The following KAZN variants were observed in gnomAD, a reference collection of about 807,000 sequenced individuals.
The protein encoded by KAZN is kazrin, periplakin interacting protein, also known as kazrin.
KAZN carries 40 observed loss-of-function variants against 87.4 expected under a neutral mutation model. The ratio of observed to expected loss-of-function variants is 0.46; its 90% CI spans 0.36 to 0.60. The LOEUF is 0.60. Ranked by LOEUF, KAZN falls within the 20% of genes least tolerant of loss-of-function variation. The pLI is 0.00. For synonymous variants in KAZN, 466 were observed against 458.3 expected (o/e 1.02, Z -0.22); for missense variants, 898 against 1,073.9 (o/e 0.84, Z 2.29).
At position 14,249,925 on chromosome 1, in the gene KAZN, G is replaced by A. The variant is rs139608119; in HGVS notation, c.249+69333G>A. Among the ~76,000 whole-genome samples, 312 of 151,572 alleles carry A rather than the reference G, an allele frequency of 2.1e-3. 1 individual carries two copies. The highest frequency in any genetic ancestry group is 3.5e-3 in the Middle Eastern group (1 of 288). ...CTTCTTCTTCTGCCCACAGCTGTCC[G>A]TTTGGCATAACCTGATACTACTCGG... On this transcript the variant is annotated intron_variant, in intron 2 of 16. Transcript: ENST00000636203.
At chr1:14,227,166 G>A (rs1324758870) in intron 2 of KAZN, among the ~76,000 whole-genome samples, 3 of 152,142 alleles carry the variant, frequency 2.0e-5, no homozygotes, top group Non-Finnish European at 4.4e-5. Flanking sequence ...AATACAGATT[G>A]ATAAAGTCAG....
intron 1 of KAZN, among the ~76,000 whole-genome samples, chr1:14,840,832 A>G (rs1000587802): frequency 5.3e-5 from 8 of 152,218 alleles, no homozygotes; most frequent in Non-Finnish European, 8.8e-5. Flanking sequence ...ATGCATGCCT[A>G]CCATGTGCCA....
At chr1:14,670,111 C>A (rs71629893) in intron 1 of KAZN, among the ~76,000 whole-genome samples, 7 of 152,094 alleles carry the variant, frequency 4.6e-5, no homozygotes, top group African/African-American at 1.7e-4. Flanking sequence ...CTCCCCAGCC[C>A]TCCCCTCCCC....
chr1:14,849,098 G>A (rs1014238744), intron 1 of KAZN, among the ~76,000 whole-genome samples: 1 of 152,116 alleles, frequency 6.6e-6, no homozygotes, highest in African/African-American at 2.4e-5. Context: ...CCCTTGTTCG[G>A]CCACTCCCAG....
At chr1:14,688,556 G>A (rs1368321035) in intron 1 of KAZN, among the ~76,000 whole-genome samples, 1 of 152,224 alleles carries the variant, frequency 6.6e-6, no homozygotes. Context: ...TTAGAATATG[G>A]CATGGGCAAG....
chr1:14,346,906 A>G lies in KAZN; in HGVS notation c.249+166314A>G, dbSNP rs544262018. ...TAGGATAGAGCTGTGAACAACACAG[A>G]CAACAATATATCTAATTATACTAAA... On this transcript the variant is annotated intron_variant, in intron 2 of 16. Transcript: ENST00000636203. 1.6e-4 allele frequency among the ~76,000 whole-genome samples: 24 copies of G among 152,330 alleles called. 1 individual carries two copies. Among genetic ancestry groups the G allele is most frequent in the Admixed American group, 1.4e-3 (21 of 15,296 alleles).
rs1490166436 is a variant in KAZN at position 14,820,447 on chromosome 1, C to T, written c.227-140237C>T. Among the ~76,000 whole-genome samples the T allele has an allele frequency of 6.6e-6, 1 of 152,252 alleles. No homozygotes were observed. The highest frequency in any genetic ancestry group is 2.4e-5 in the African/African-American group (1 of 41,468). On this transcript the variant is annotated intron_variant, in intron 1 of 14. Coordinates refer to ENST00000376030, the MANE Select transcript of KAZN (RefSeq NM_201628.3). This position sits in a 1 kb window ranked among gnomAD's most constrained non-coding sequence, Gnocchi z 4.1. ...GCCATGGCAAATGGGATGTGTCCCA[C>T]TGCCCCCGTTTGGTGCCACAGTTGG... is the stretch of plus-strand genomic sequence containing the variant.
chr1:14,638,575 A>C (rs1680177555), intron 1 of KAZN, among the ~76,000 whole-genome samples: 1 of 93,890 alleles, frequency 1.1e-5, no homozygotes, highest in African/African-American at 6.3e-5. Flanking sequence ...TCTCAAAAAA[A>C]AAACAAAAAA....
chr1:14,443,515 G>A (rs1666811761), intron 2 of KAZN, among the ~76,000 whole-genome samples: 1 of 152,262 alleles, frequency 6.6e-6, no homozygotes, highest in Admixed American at 6.5e-5. Context: ...AGTCATCTGA[G>A]AGAGCAAGGG....
chr1:14,516,764 T>C (rs1671320356), intron 2 of KAZN, among the ~76,000 whole-genome samples: 2 of 152,186 alleles, frequency 1.3e-5, no homozygotes, highest in South Asian at 4.1e-4. Context: ...CCTTACCTAT[T>C]GGTTCCTGTC....
intron 1 of KAZN, among the ~76,000 whole-genome samples, chr1:14,152,974 C>T (rs1645509495): frequency 6.6e-6 from 1 of 152,002 alleles, no homozygotes; most frequent in African/African-American, 2.4e-5. Context: ...TACCTGTTTG[C>T]CATTGGTAAG....
Position 14,353,717 on chromosome 1 carries a change from A to G in KAZN, c.249+173125A>G, listed in dbSNP as rs7527870. Among the ~76,000 whole-genome samples the G allele has an allele frequency of 5.3e-5, 8 of 152,326 alleles. No homozygotes were observed. The East Asian group carries it at 1.5e-3, about 29-fold the overall frequency. ...ATTCAAAACTACAAAATATTTGGGG[A>G]TAAGTTTTTTAAAGATGTCAAGATC... On this transcript the variant is annotated intron_variant, in intron 2 of 16. Transcript: ENST00000636203.
intron 1 of KAZN, among the ~76,000 whole-genome samples, chr1:14,765,495 A>G (rs1644860665): frequency 6.6e-6 from 1 of 152,126 alleles, no homozygotes; most frequent in African/African-American, 2.4e-5. Flanking sequence ...GTTTCAATTG[A>G]ATTGTGTTAG....
intron 1 of KAZN, among the ~76,000 whole-genome samples, chr1:14,852,645 C>T (rs1649600520): frequency 6.6e-6 from 1 of 152,250 alleles, no homozygotes; most frequent in Non-Finnish European, 1.5e-5. Flanking sequence ...TTGCCCAGGG[C>T]CCATGCCACT....
chr1:14,212,371 G>A lies in KAZN; in HGVS notation c.249+31779G>A, dbSNP rs144747032. 1.4e-3 allele frequency among the ~76,000 whole-genome samples: 206 copies of A among 151,770 alleles called. 1 individual carries two copies. The highest frequency in any genetic ancestry group is 4.6e-3 in the African/African-American group (189 of 41,374). On this transcript the variant is annotated intron_variant, in intron 2 of 16. Coordinates refer to the KAZN transcript ENST00000636203. Reference sequence around the variant, plus strand: ...TAAAATTTGAGAGAAATTATGCTAAGTGATCACAAATTTTCTTTAAAGTTT... The same window carrying A: ...TAAAATTTGAGAGAAATTATGCTAAATGATCACAAATTTTCTTTAAAGTTT...
At chr1:14,447,996 G>A (rs1169417261) in intron 2 of KAZN, among the ~76,000 whole-genome samples, 2 of 152,190 alleles carry the variant, frequency 1.3e-5, no homozygotes, top group East Asian at 3.9e-4. Context: ...GAGAGTAGGG[G>A]ACCTGTGGTT....
chr1:14,726,460 A>G (rs1423806911), intron 1 of KAZN, among the ~76,000 whole-genome samples: 1 of 152,158 alleles, frequency 6.6e-6, no homozygotes, highest in African/African-American at 2.4e-5. Flanking sequence ...GCTCTCCCCC[A>G]GGGATCCAGG....
At chr1:14,314,414 C>A (rs1317444978) in intron 2 of KAZN, among the ~76,000 whole-genome samples, 2 of 152,174 alleles carry the variant, frequency 1.3e-5, no homozygotes, top group Non-Finnish European at 2.9e-5. Context: ...TGTTTATCTT[C>A]ATTGACCTCA....
chr1:15,066,327 T>C lies in KAZN; in HGVS notation c.1222+574T>C, dbSNP rs58899026. 0.024 allele frequency: 23,934 copies of C among 985,568 alleles called. 2,804 individuals are homozygous for C. In the African/African-American group the frequency reaches 0.3, roughly 13 times the overall value. The allele number at this position is 985,568 out of a possible 1,614,324, so 61.1% of individuals were successfully genotyped here. A position where few individuals can be genotyped will look rare whatever the true frequency, so the allele number is the denominator to read the frequency against. ...GGCAGAGGATGTGGTCTGTTTTTGA[T>C]GTCCCCCCTCCCGCCCCCCTGGTGT... On this transcript the variant is annotated intron_variant, in intron 8 of 14. Coordinates refer to ENST00000376030, the MANE Select transcript of KAZN (RefSeq NM_201628.3). The surrounding 1 kb of genome is among the most constrained non-coding windows in gnomAD (Gnocchi z 4.3).
Sources: gnomAD v4.1 joint callset for allele counts (sites outside exome capture counted in the v4.1 genomes callset) on GRCh38, gnomAD v4.1.1 for gene constraint, Gnocchi (gnomAD v3.1) non-coding constraint, MANE v1.5 for transcripts, NCBI Gene and HGNC (gene_info 2026-07-23, HGNC 2026-07-21) for gene names.